Variants in RYR2 observed in about 807,000 individuals in gnomAD.
The protein encoded by RYR2 is ryanodine receptor 2, also known as cardiac muscle ryanodine receptor-calcium release channel.
In RYR2, 227 loss-of-function variants were observed where a neutral mutation model predicts 601.1. That is an observed-to-expected ratio of 0.38 (90% CI 0.34 to 0.42). The LOEUF (loss-of-function observed/expected upper bound fraction) is 0.42. Among genes scored for constraint, RYR2 ranks in the 10% least tolerant of loss-of-function variants. RYR2 has a pLI of 1.00. For synonymous variants in RYR2, 2,223 were observed against 2,175.1 expected, an observed-to-expected ratio of 1.02 and a Z score of -0.61; for missense variants, 4,646 against 6,156.5, an observed-to-expected ratio of 0.75 and a Z score of 8.21.
At chr1:237,752,494 T>C (rs1165103754) in intron 80 of RYR2, among the ~76,000 whole-genome samples, 4 of 151,620 alleles carry the variant, frequency 2.6e-5, no homozygotes, top group Admixed American at 2.6e-4. Context: ...TAGGAACCAC[T>C]CGTTTTAAAC....
rs117501428 is a variant in RYR2 at position 237,480,513 on chromosome 1, G to A, written c.1709-11293G>A. Among the ~76,000 whole-genome samples the A allele has an allele frequency of 1.0e-3, 156 of 151,684 alleles. No individual in the cohort carries two copies. In the East Asian group the frequency reaches 0.019, roughly 18 times the overall value. On this transcript the variant is annotated intron_variant, in intron 17 of 104. Coordinates refer to ENST00000366574, the MANE Select transcript of RYR2 (RefSeq NM_001035.3). ...TGTATAGCATAAAAATTCTAATACC[G>A]TTACTTGTTGTATAATGAACTGCTT...
intron 26 of RYR2, among the ~76,000 whole-genome samples, chr1:237,549,409 T>A (rs1393437827): frequency 6.6e-6 from 1 of 152,014 alleles, no homozygotes; most frequent in Non-Finnish European, 1.5e-5. Flanking sequence ...AGACCGTCTC[T>A]ACAAAAAATT....
chr1:237,802,928 CAGCGTT>C (rs1660141536), intron 98 of RYR2, among the ~76,000 whole-genome samples: 2 of 152,190 alleles, frequency 1.3e-5, no homozygotes, highest in Admixed American at 6.5e-5. Context: ...TTTCCTTAGA[CAGCGTT>C]CTGCTATTTT....
intron 27 of RYR2, among the ~76,000 whole-genome samples, chr1:237,564,065 A>C (rs1280111901): frequency 3.9e-5 from 6 of 152,148 alleles, no homozygotes; most frequent in Admixed American, 1.3e-4. Context: ...TAACTACCTG[A>C]TCATTTTTTC....
At chr1:237,778,622 A>ATAAAT in intron 87 of RYR2, 44 bp from the exon 88 acceptor site, 1 of 1,072,224 alleles carries the variant, frequency 9.3e-7, no homozygotes, top group Non-Finnish European at 1.4e-6. Flanking sequence ...GTTTTGGCAA[A>ATAAAT]TAAATTATGA....
intron 10 of RYR2, among the ~76,000 whole-genome samples, chr1:237,395,113 T>C (rs1387576308): frequency 6.6e-6 from 1 of 152,162 alleles, no homozygotes. Flanking sequence ...AATGTGAGGT[T>C]TGGGCGGGGA....
In RYR2 at chr1:237,123,158, TC is replaced by T. The variant is rs1671000593; in HGVS notation, c.48+80590del. 3.3e-5 allele frequency among the ~76,000 whole-genome samples: 5 copies of T among 152,340 alleles called. No homozygotes were observed. In the South Asian group the frequency reaches 1.0e-3, roughly 32 times the overall value. On this transcript the variant is annotated intron_variant, in intron 1 of 104. Transcript: ENST00000366574. ...ATGCCCATAGTGAGAACCACATTTT[TC>T]ATAGTGTTCCAGGGTATGCACATAT...
At chr1:237,117,677 C>CTT (rs1187307687) in intron 1 of RYR2, among the ~76,000 whole-genome samples, 1 of 27,592 alleles carries the variant, frequency 3.6e-5, no homozygotes, top group Non-Finnish European at 7.0e-5. Context: ...TCTTCCTTCT[C>CTT]TTCTCTTCTC....
chr1:237,765,128 GTTTTCT>G (rs1693748839), intron 84 of RYR2, among the ~76,000 whole-genome samples: 2 of 151,132 alleles, frequency 1.3e-5, no homozygotes, highest in African/African-American at 2.4e-5. Flanking sequence ...ATTTATATGT[GTTTTCT>G]TTTAATGACT....
chr1:237,669,903 C>T (rs1305928586), intron 58 of RYR2, among the ~76,000 whole-genome samples: 5 of 152,242 alleles, frequency 3.3e-5, no homozygotes, highest in Admixed American at 2.6e-4. Flanking sequence ...CGGGCAGAGG[C>T]TGCAATCTCG....
intron 87 of RYR2, among the ~76,000 whole-genome samples, chr1:237,775,215 C>T (rs1167214407): frequency 6.6e-6 from 1 of 151,832 alleles, no homozygotes; most frequent in Admixed American, 6.6e-5. Flanking sequence ...GTAAAGATAG[C>T]ACAGAGGGTT....
chr1:237,272,799 T>C (rs1252505775), intron 2 of RYR2, among the ~76,000 whole-genome samples: 2 of 150,574 alleles, frequency 1.3e-5, no homozygotes, highest in Non-Finnish European at 3.0e-5. Context: ...ACAAGATGAG[T>C]AGAGAACAGA....
In RYR2 at chr1:237,286,322, A is replaced by G. The variant is rs575490656; in HGVS notation, c.168+15706A>G. Among the ~76,000 whole-genome samples, 16 of 151,888 alleles carry G rather than the reference A, an allele frequency of 1.1e-4. No homozygotes were observed. In the South Asian group the frequency reaches 3.3e-3, roughly 32 times the overall value. On this transcript the variant is annotated intron_variant, in intron 2 of 104. Coordinates refer to ENST00000366574, the MANE Select transcript of RYR2 (RefSeq NM_001035.3). Reference sequence around the variant, plus strand: ...GGTTATTTAATTTCCATGTATTTGCATGGTTTTGAAGGTTCCTTTTGGAGT... The same window carrying G: ...GGTTATTTAATTTCCATGTATTTGCGTGGTTTTGAAGGTTCCTTTTGGAGT...
chr1:237,126,049 C>T (rs1671373275), intron 1 of RYR2, among the ~76,000 whole-genome samples: 1 of 152,136 alleles, frequency 6.6e-6, no homozygotes, highest in Non-Finnish European at 1.5e-5. Context: ...CCACCCTGGC[C>T]AACATGGCAA....
At chr1:237,595,450 C>T (rs1483880704) in intron 33 of RYR2, 48 bp from the exon 34 acceptor site, 1 of 1,590,288 alleles carries the variant, frequency 6.3e-7, no homozygotes, top group Non-Finnish European at 8.5e-7. Flanking sequence ...CCTGCTTTCT[C>T]TTTTATCTGT....
chr1:237,412,080 T>G (rs1704514321), intron 10 of RYR2, among the ~76,000 whole-genome samples: 1 of 152,168 alleles, frequency 6.6e-6, no homozygotes, highest in Admixed American at 6.5e-5. Flanking sequence ...GCTAGTCTTT[T>G]CTGGGCCTTA....
At chr1:237,127,406 G>T (rs1671572434) in intron 1 of RYR2, among the ~76,000 whole-genome samples, 1 of 148,472 alleles carries the variant, frequency 6.7e-6, no homozygotes, top group Non-Finnish European at 1.5e-5. Flanking sequence ...GGCTGGCCGG[G>T]CGGGGGGCTG....
intron 12 of RYR2, among the ~76,000 whole-genome samples, chr1:237,432,266 A>G (rs1271783650): frequency 2.6e-5 from 4 of 152,122 alleles, no homozygotes; most frequent in Non-Finnish European, 4.4e-5. Context: ...TATTCAAGGC[A>G]TTTAATATAT....
chr1:237,801,704 C>T (rs970978812), intron 97 of RYR2, among the ~76,000 whole-genome samples, 152 bp from the exon 98 acceptor site: 4 of 152,190 alleles, frequency 2.6e-5, no homozygotes, highest in African/African-American at 9.7e-5. Flanking sequence ...AGTTGGCTCT[C>T]AGCTCCTCCC....
Sources: gnomAD v4.1 joint callset for allele counts (sites outside exome capture counted in the v4.1 genomes callset) on GRCh38, gnomAD v4.1.1 for gene constraint, MANE v1.5 for transcripts, NCBI Gene and HGNC (gene_info 2026-07-23, HGNC 2026-07-21) for gene names.